The following SLAMF1 variants were observed in gnomAD, a reference collection of about 807,000 sequenced individuals.
SLAMF1 encodes signaling lymphocytic activation molecule family member 1, also known as signaling lymphocytic activation molecule.
Under a neutral mutation model 35.1 loss-of-function variants are expected in SLAMF1, and 18 were observed. The observed-to-expected ratio is 0.51, with a 90% CI of 0.35 to 0.76. The LOEUF is 0.76. Ranked by LOEUF, SLAMF1 falls within the 30% of genes least tolerant of loss-of-function variation. The probability of loss-of-function intolerance (pLI) is 0.01; values close to 1 mark genes in which losing one functional copy is unlikely to be tolerated. For missense variants in SLAMF1, 392 were observed against 413.0 expected (o/e 0.95, Z 0.44); for synonymous variants, 168 against 157.2 (o/e 1.07, Z -0.51).
chr1:160,641,317 AC>A (rs1352047553), intron 1 of SLAMF1, among the ~76,000 whole-genome samples: 1 of 151,858 alleles, frequency 6.6e-6, no homozygotes, highest in Non-Finnish European at 1.5e-5. Context: ...TCAGGCCATA[AC>A]CCATCGCCAC....
chr1:160,629,810 C>A (rs1221108503), intron 3 of SLAMF1, among the ~76,000 whole-genome samples: 1 of 152,210 alleles, frequency 6.6e-6, no homozygotes, highest in Non-Finnish European at 1.5e-5. Context: ...TGACCAGGCT[C>A]TGGGCTGTGC....
chr1:160,632,853 T>C (rs1660236239), intron 3 of SLAMF1, among the ~76,000 whole-genome samples: 1 of 152,188 alleles, frequency 6.6e-6, no homozygotes, highest in African/African-American at 2.4e-5. Context: ...CTAATGCCTA[T>C]GAGGCTTCCA....
At chr1:160,612,951 G>A (rs1221791739) in intron 5 of SLAMF1, among the ~76,000 whole-genome samples, 3 of 152,110 alleles carry the variant, frequency 2.0e-5, no homozygotes, top group African/African-American at 7.2e-5. Flanking sequence ...TCATATCACC[G>A]GCTACATGCA....
At position 160,634,752 on chromosome 1, in the gene SLAMF1, T is replaced by G. The variant is rs1194722348; in HGVS notation, c.561A>C (p.Pro187=). 4.3e-6 allele frequency: 7 copies of G among 1,614,162 alleles called. No homozygotes were observed. The South Asian group carries it at 6.6e-5, about 15-fold the overall frequency. The change falls in exon 3 of 7, where the codon CCA becomes CCC. Residue 187 remains proline, a synonymous_variant. Transcript: ENST00000302035. The part of the protein sequence containing the change: ...SEKAGTHPLN[P]ANSSHLLSLT... The stretch of plus-strand genomic sequence containing the variant: ...GGGACAGGAGGTGGGAGCTGTTGGC[T>G]GGGTTCAGTGGGTGGGTGCCCGCCT...
chr1:160,620,039 T>C (rs1659525135), intron 4 of SLAMF1, among the ~76,000 whole-genome samples, 190 bp from the exon 5 acceptor site: 1 of 152,214 alleles, frequency 6.6e-6, no homozygotes, highest in Non-Finnish European at 1.5e-5. Context: ...ACTCTAGGCC[T>C]ATCTGTGAAA....
intron 6 of SLAMF1, among the ~76,000 whole-genome samples, chr1:160,611,350 T>C (rs1167175920): frequency 6.6e-6 from 1 of 152,266 alleles, no homozygotes; most frequent in African/African-American, 2.4e-5. Context: ...TTAAGTAAAC[T>C]TCATTAAAAA....
At chr1:160,622,706 GAAGTT>G (rs1371432687) in intron 4 of SLAMF1, among the ~76,000 whole-genome samples, 2 of 152,176 alleles carry the variant, frequency 1.3e-5, no homozygotes, top group African/African-American at 4.8e-5. Context: ...TTGCAGACGA[GAAGTT>G]AAGTCATTTG....
intron 4 of SLAMF1, among the ~76,000 whole-genome samples, chr1:160,620,619 C>A (rs771827441): frequency 6.6e-6 from 1 of 151,670 alleles, no homozygotes; most frequent in African/African-American, 2.4e-5. Flanking sequence ...AGTATAAATC[C>A]CCTTCTTCCA....
intron 3 of SLAMF1, among the ~76,000 whole-genome samples, chr1:160,628,989 A>T (rs148283977): frequency 2.6e-5 from 4 of 152,316 alleles, no homozygotes; most frequent in Non-Finnish European, 4.4e-5. Context: ...GATGCTGAGA[A>T]ATCAAAGTTG....
intron 3 of SLAMF1, among the ~76,000 whole-genome samples, chr1:160,626,118 C>T (rs1659866929): frequency 6.6e-6 from 1 of 152,142 alleles, no homozygotes; most frequent in Non-Finnish European, 1.5e-5. Flanking sequence ...AACACCCCCA[C>T]CATTTATATC....
At chr1:160,623,956 G>A in intron 4 of SLAMF1, 140 bp downstream of exon 4, 1 of 647,374 alleles carries the variant, frequency 1.5e-6, no homozygotes, top group Non-Finnish European at 2.7e-6. Context: ...AAGGTCCCAG[G>A]ATATGTTTAT....
At chr1:160,639,517 G>A (rs1660632362) in intron 1 of SLAMF1, among the ~76,000 whole-genome samples, 1 of 152,110 alleles carries the variant, frequency 6.6e-6, no homozygotes, top group Non-Finnish European at 1.5e-5. Flanking sequence ...ATGAGCCACT[G>A]TGCCCAGCCA....
intron 5 of SLAMF1, among the ~76,000 whole-genome samples, chr1:160,619,058 A>T (rs1454088965): frequency 6.6e-6 from 1 of 152,156 alleles, no homozygotes; most frequent in Non-Finnish European, 1.5e-5. Context: ...CTTTACCTTC[A>T]CATCCTTTAC....
rs1660795647 is a variant in SLAMF1, at chr1:160,642,364, A to G, written c.76+4506T>C. 6.6e-6 allele frequency among the ~76,000 whole-genome samples: 1 copy of G among 152,168 alleles called. No individual in the cohort carries two copies. The highest frequency in any genetic ancestry group is 2.4e-5 in the African/African-American group (1 of 41,428). ...GTCTCCATTTTGACATCTCTTTCAT[A>G]GGGAAGACTTTCCTGACTCCTGACT... On this transcript the variant is annotated intron_variant, in intron 1 of 6. Coordinates refer to ENST00000302035, the MANE Select transcript of SLAMF1 (RefSeq NM_003037.5). The surrounding 1 kb of genome is among the most constrained non-coding windows in gnomAD (Gnocchi z 4.2).
chr1:160,627,235 G>A (rs1659930869), intron 3 of SLAMF1, among the ~76,000 whole-genome samples: 1 of 152,142 alleles, frequency 6.6e-6, no homozygotes, highest in Non-Finnish European at 1.5e-5. Context: ...ATATAGTAAT[G>A]TATGGAAAGT....
At chr1:160,644,580 G>A (rs199727116) in intron 1 of SLAMF1, among the ~76,000 whole-genome samples, 1 of 152,126 alleles carries the variant, frequency 6.6e-6, no homozygotes, top group Admixed American at 6.5e-5. Context: ...TGTTCATTTT[G>A]TTTTCCCCAC....
rs2102284713 is a variant in SLAMF1 at position 160,619,763 on chromosome 1, A to G, written c.864+13T>C. The G allele has an allele frequency of 3.2e-6, 5 of 1,560,938 alleles. No homozygotes were observed. The highest frequency in any genetic ancestry group is 4.4e-6 in the Non-Finnish European group (5 of 1,131,504). ...ACATGACAGGTTCATCTCAAACAAAATATAGAACTTACACCTGGTTTCTGG... is the reference window on the plus strand; with the variant it reads ...ACATGACAGGTTCATCTCAAACAAAGTATAGAACTTACACCTGGTTTCTGG... On this transcript the variant is annotated intron_variant, in intron 5 of 6. Coordinates refer to ENST00000302035, the MANE Select transcript of SLAMF1 (RefSeq NM_003037.5).
At chr1:160,610,896 A>G (rs1570958511) in intron 6 of SLAMF1, 98 bp from the exon 7 acceptor site, 1 of 962,510 alleles carries the variant, frequency 1.0e-6, no homozygotes, top group Non-Finnish European at 1.7e-6. Flanking sequence ...AAAGGGTCTT[A>G]GAGATCATGG....
chr1:160,611,929 G>A (rs1198719892), intron 6 of SLAMF1, among the ~76,000 whole-genome samples: 1 of 152,152 alleles, frequency 6.6e-6, no homozygotes, highest in Non-Finnish European at 1.5e-5. Context: ...ATTACCTGGG[G>A]TGTGGGTTTT....
Sources: gnomAD v4.1 joint callset for allele counts (sites outside exome capture counted in the v4.1 genomes callset) on GRCh38, gnomAD v4.1.1 for gene constraint, Gnocchi (gnomAD v3.1) non-coding constraint, MANE v1.5 for transcripts, NCBI Gene and HGNC (gene_info 2026-07-23, HGNC 2026-07-21) for gene names.